AHRR: variants seen among roughly 807,000 people sequenced by gnomAD.
AHRR encodes ahR repressor.
Under a neutral mutation model 44.0 loss-of-function variants are expected in AHRR, and 28 were observed. The observed-to-expected ratio is 0.64, with a 90% confidence interval of 0.47 to 0.87. The LOEUF (loss-of-function observed/expected upper bound fraction) is 0.87. Among genes scored for constraint, AHRR ranks in the 40% least tolerant of loss-of-function variants. The probability of loss-of-function intolerance (pLI) is 0.00; values close to 1 mark genes in which losing one functional copy is unlikely to be tolerated. For missense variants in AHRR, 990 were observed against 953.9 expected, an observed-to-expected ratio of 1.04 and a Z score of -0.50; for synonymous variants, 434 against 407.0, an observed-to-expected ratio of 1.07 and a Z score of -0.80.
At chr5:433,215 C>A (rs1033885800) in intron 10 of AHRR, among the ~76,000 whole-genome samples, 1 of 152,082 alleles carries the variant, frequency 6.6e-6, no homozygotes, top group African/African-American at 2.4e-5. Context: ...GCTCTGGGAC[C>A]CGCCCTCACC....
chr5:376,557 A>AACGCGGGGAAACACAGGACAGAT, intron 3 of AHRR, 53 bp from the exon 4 acceptor site: 4 of 1,423,172 alleles, frequency 2.8e-6, no homozygotes, highest in Non-Finnish European at 3.8e-6. Context: ...AATGAAGAAG[A>AACGCGGGGAAACACAGGACAGAT]GTGGCCAGGC....
intron 8 of AHRR, among the ~76,000 whole-genome samples, chr5:429,013 G>A (rs1299976486): frequency 6.6e-6 from 1 of 152,252 alleles, no homozygotes; most frequent in Non-Finnish European, 1.5e-5. Flanking sequence ...ATGCAGCTTG[G>A]CTCCTAGAGG....
intron 1 of AHRR, among the ~76,000 whole-genome samples, chr5:341,107 C>A (rs1419101412): frequency 2.6e-5 from 4 of 151,108 alleles, no homozygotes; most frequent in African/African-American, 9.7e-5. Context: ...CTCCGCCTCC[C>A]AAGTTCAAAT....
chr5:341,982 G>C (rs570685104), intron 1 of AHRR, among the ~76,000 whole-genome samples: 7 of 152,222 alleles, frequency 4.6e-5, no homozygotes, highest in African/African-American at 1.7e-4. Flanking sequence ...TTATTTAAAA[G>C]TGGGTTGCTT....
chr5:430,702 C>T (rs780519691), intron 8 of AHRR, among the ~76,000 whole-genome samples: 10 of 152,322 alleles, frequency 6.6e-5, no homozygotes, highest in African/African-American at 2.4e-4. Context: ...TTTCCACGTT[C>T]GTTACTCATT....
chr5:427,892 C>A lies in AHRR; in HGVS notation c.794C>A (p.Ser265Ter). Residue 265 changes from serine (S) to a stop codon, truncating the protein, a stop_gained, in exon 8 of 11, where the codon TCG becomes TAG. Transcript: ENST00000684583. LOFTEE classifies it high-confidence loss of function. ...PSGAMLPPRL[S>*]LFCIAAPVLL... ...GGAGCCATGCTCCCGCCGCGGCTGT[C>A]GCTGTTCTGCATTGCGGCACCCGTT... 6.2e-7 allele frequency: 1 copy of A among 1,614,124 alleles called. No individual in the cohort carries two copies.
chr5:340,011 T>C (rs576731478), intron 1 of AHRR, among the ~76,000 whole-genome samples: 3 of 152,254 alleles, frequency 2.0e-5, no homozygotes, highest in Non-Finnish European at 4.4e-5. Flanking sequence ...TTTAGTTTTC[T>C]TTTCGTGCAA....
At chr5:403,701 C>CTTTA in intron 4 of AHRR, 1 of 523,708 alleles carries the variant, frequency 1.9e-6, no homozygotes, top group Non-Finnish European at 3.0e-6. Context: ...TTTTTACTTT[C>CTTTA]TCTCAGAGGC....
intron 3 of AHRR, among the ~76,000 whole-genome samples, chr5:354,599 G>A (rs1560889154): frequency 1.3e-5 from 2 of 152,236 alleles, no homozygotes; most frequent in Admixed American, 6.5e-5. Flanking sequence ...ACTCGCAGGT[G>A]TAGACCGTGG....
At position 370,155 on chromosome 5, in the gene AHRR, G is replaced by A. The variant is rs1259748985; in HGVS notation, c.245-6455G>A. Among the ~76,000 whole-genome samples the A allele has an allele frequency of 6.8e-4, 97 of 141,964 alleles. No homozygotes were observed. Among genetic ancestry groups the A allele is most frequent in the Non-Finnish European group, 9.4e-4 (61 of 64,766 alleles). The allele number at this position is 141,964 out of a possible 152,430, so 93.1% of individuals were successfully genotyped here. ...GCCCTCGCTGGTGCCCCGTCCTCCC[G>A]GGCCCTCGCTGGAAGCCCCGTCCTC... On this transcript the variant is annotated intron_variant, in intron 3 of 10. Coordinates refer to ENST00000684583, the MANE Select transcript of AHRR (RefSeq NM_001377236.1). The surrounding 1 kb of genome is among the most constrained non-coding windows in gnomAD (Gnocchi z 4.5).
intron 1 of AHRR, among the ~76,000 whole-genome samples, chr5:330,115 C>T (rs114156244): frequency 2.6e-5 from 4 of 152,032 alleles, no homozygotes; most frequent in African/African-American, 9.6e-5. Context: ...TAATAAATAG[C>T]CTTTATTATT....
At position 364,945 on chromosome 5, in the gene AHRR, A is replaced by G. The variant is rs577044510; in HGVS notation, c.244+11034A>G. Among the ~76,000 whole-genome samples, 8 of 152,266 alleles carry G rather than the reference A, an allele frequency of 5.3e-5. No homozygotes were observed. In the East Asian group the frequency reaches 1.5e-3, roughly 29 times the overall value. ...AAACAATTCATTTCATCAAGCAGAT[A>G]ATATAATTTTGAATTTTATTCTTTC... On this transcript the variant is annotated intron_variant, in intron 3 of 10. Transcript: ENST00000684583.
intron 2 of AHRR, among the ~76,000 whole-genome samples, chr5:350,520 T>G (rs562175649): frequency 3.6e-4 from 55 of 152,292 alleles, no homozygotes; most frequent in African/African-American, 1.2e-3. Context: ...TCCTCCTGGC[T>G]GTCCTCTCCC....
intron 1 of AHRR, among the ~76,000 whole-genome samples, chr5:339,028 GTTA>G (rs1462903394): frequency 6.6e-6 from 1 of 152,124 alleles, no homozygotes; most frequent in Non-Finnish European, 1.5e-5. Context: ...ATTTTTGTAT[GTTA>G]TTATCCTTTT....
chr5:343,781 C>T, intron 1 of AHRR, 112 bp from the exon 2 acceptor site: 1 of 1,072,746 alleles, frequency 9.3e-7, no homozygotes, highest in Non-Finnish European at 1.3e-6. Flanking sequence ...GGGGGCCTCG[C>T]GGGGTCGCGG....
chr5:400,278 T>G (rs1734958648), intron 4 of AHRR, among the ~76,000 whole-genome samples: 1 of 152,210 alleles, frequency 6.6e-6, no homozygotes, highest in Admixed American at 6.5e-5. Context: ...GAGATCAGGA[T>G]ATTTAAAGGG....
intron 5 of AHRR, among the ~76,000 whole-genome samples, chr5:417,809 GCAAA>G (rs1328227760): frequency 1.3e-5 from 2 of 152,170 alleles, no homozygotes; most frequent in Non-Finnish European, 2.9e-5. Flanking sequence ...TCTAGTTTAT[GCAAA>G]ATATCTCATG....
At chr5:333,796 G>A (rs995058672) in intron 1 of AHRR, among the ~76,000 whole-genome samples, 9 of 152,120 alleles carry the variant, frequency 5.9e-5, no homozygotes, top group Non-Finnish European at 1.3e-4. Context: ...CTTTCTCTTC[G>A]TCTGTGATTG....
At chr5:361,395 C>T (rs945974580) in intron 3 of AHRR, among the ~76,000 whole-genome samples, 1 of 152,190 alleles carries the variant, frequency 6.6e-6, no homozygotes, top group Admixed American at 6.5e-5. Context: ...ATCAGCTTGG[C>T]CTAAGGAGAA....
Sources: gnomAD v4.1 joint callset for allele counts (sites outside exome capture counted in the v4.1 genomes callset) on GRCh38, gnomAD v4.1.1 for gene constraint, Gnocchi (gnomAD v3.1) non-coding constraint, MANE v1.5 for transcripts, NCBI Gene and HGNC (gene_info 2026-07-23, HGNC 2026-07-21) for gene names.